MAPK10: variants seen among roughly 807,000 people sequenced by gnomAD.
MAPK10 encodes mitogen-activated protein kinase 10, also known as JNK3 alpha protein kinase.
A neutral mutation model predicts 59.3 loss-of-function variants in MAPK10; 25 were observed. The observed-to-expected ratio is 0.42, with a 90% CI of 0.31 to 0.59. MAPK10 has a LOEUF of 0.59. MAPK10 is among the 20% of genes least tolerant of loss of function. The probability of loss-of-function intolerance (pLI) is 0.15; values close to 1 mark genes in which losing one functional copy is unlikely to be tolerated. For synonymous variants in MAPK10, 190 were observed against 200.5 expected, an observed-to-expected ratio of 0.95 and a Z score of 0.44; for missense variants, 351 against 568.9, an observed-to-expected ratio of 0.62 and a Z score of 3.90.
intron 1 of MAPK10, among the ~76,000 whole-genome samples, chr4:86,366,661 A>C (rs1737949985): frequency 6.6e-6 from 1 of 152,120 alleles, no homozygotes; most frequent in Non-Finnish European, 1.5e-5. Flanking sequence ...ACTCTTAAAA[A>C]ACAGGTTTTC....
Position 86,171,355 on chromosome 4 carries a change from T to G in MAPK10, c.67-11888A>C, listed in dbSNP as rs1044510963. Among the ~76,000 whole-genome samples the G allele has an allele frequency of 2.6e-5, 4 of 151,850 alleles. No individual in the cohort carries two copies. In the East Asian group the frequency reaches 7.8e-4, roughly 29 times the overall value. On this transcript the variant is annotated intron_variant, in intron 3 of 13. Transcript: ENST00000641462. The stretch of plus-strand genomic sequence containing the variant: ...AGATTAATAAAGAAGAATCAAAACT[T>G]TTGGTACTGGTACCAAAACAGAGAT...
At chr4:86,209,042 T>C (rs569238763) in intron 2 of MAPK10, among the ~76,000 whole-genome samples, 8 of 152,226 alleles carry the variant, frequency 5.3e-5, no homozygotes, top group Non-Finnish European at 8.8e-5. Context: ...TGAAGGTATG[T>C]GAACTAAACA....
chr4:86,301,878 C>T (rs576285741), intron 2 of MAPK10, among the ~76,000 whole-genome samples: 6 of 152,294 alleles, frequency 3.9e-5, no homozygotes, highest in Non-Finnish European at 7.4e-5. Context: ...CAGTACTCCT[C>T]TTTTTTAAAT....
chr4:86,431,698 G>A (rs950457193), intron 1 of MAPK10, among the ~76,000 whole-genome samples: 1 of 152,168 alleles, frequency 6.6e-6, no homozygotes. Flanking sequence ...CTTCAAGGGA[G>A]GAGTAAAGGA....
At chr4:86,185,675 G>A (rs1198184110) in intron 3 of MAPK10, among the ~76,000 whole-genome samples, 2 of 152,124 alleles carry the variant, frequency 1.3e-5, no homozygotes, top group East Asian at 1.9e-4. Context: ...CTTTCAGGGT[G>A]GTAGTGGAGA....
At chr4:86,281,497 C>T (rs192894015) in intron 2 of MAPK10, among the ~76,000 whole-genome samples, 244 of 141,604 alleles carry the variant, frequency 1.7e-3, no homozygotes, top group African/African-American at 6.8e-3. Flanking sequence ...GCAAGACCCC[C>T]TCAAAATAAA....
chr4:86,406,422 T>G (rs1744373009), intron 1 of MAPK10, among the ~76,000 whole-genome samples: 1 of 152,166 alleles, frequency 6.6e-6, no homozygotes, highest in Non-Finnish European at 1.5e-5. Flanking sequence ...TGTTAAATAC[T>G]CTGTACAATA....
intron 2 of MAPK10, among the ~76,000 whole-genome samples, chr4:86,257,630 C>G (rs1025775513): frequency 1.3e-5 from 2 of 152,178 alleles, no homozygotes; most frequent in Non-Finnish European, 2.9e-5. Context: ...GCCTCACACT[C>G]TTTGTCCTCA....
intron 11 of MAPK10, among the ~76,000 whole-genome samples, chr4:86,035,370 C>CA (rs70948779): frequency 0.34 from 12,801 of 37,730 alleles, 3,436 homozygotes; most frequent in African/African-American, 0.45. Flanking sequence ...GACTCTGTCT[C>CA]AAAAAAAAAA....
At chr4:86,163,464 C>T (rs1253208717) in intron 3 of MAPK10, among the ~76,000 whole-genome samples, 1 of 152,052 alleles carries the variant, frequency 6.6e-6, no homozygotes, top group Non-Finnish European at 1.5e-5. Context: ...AATGACTTTT[C>T]TCTAGTTATA....
intron 2 of MAPK10, among the ~76,000 whole-genome samples, chr4:86,256,222 C>T (rs543363863): frequency 1.3e-5 from 2 of 152,254 alleles, no homozygotes; most frequent in East Asian, 3.9e-4. Context: ...CATACTTGGC[C>T]GAACTAGTGC....
At chr4:86,311,238 T>C (rs1443884159) in intron 2 of MAPK10, among the ~76,000 whole-genome samples, 3 of 152,044 alleles carry the variant, frequency 2.0e-5, no homozygotes, top group Non-Finnish European at 2.9e-5. Flanking sequence ...AAAGATAAAA[T>C]ACTAAGGAGG....
chr4:86,160,830 G>A (rs779116407), intron 3 of MAPK10, among the ~76,000 whole-genome samples: 33 of 151,886 alleles, frequency 2.2e-4, no homozygotes, highest in Non-Finnish European at 3.7e-4. Flanking sequence ...AAATCTCCTT[G>A]GGCTCTGAAC....
chr4:86,507,112 TATC>T (rs1755799482), intron 1 of MAPK10, among the ~76,000 whole-genome samples: 1 of 152,158 alleles, frequency 6.6e-6, no homozygotes, highest in East Asian at 1.9e-4. Context: ...TATAACAAAT[TATC>T]ATACTGAATA....
intron 1 of MAPK10, among the ~76,000 whole-genome samples, chr4:86,503,467 G>T (rs184278509): frequency 1.2e-4 from 18 of 152,098 alleles, no homozygotes; most frequent in Admixed American, 1.0e-3. Flanking sequence ...CACACTGATG[G>T]TATCACTTTC....
intron 1 of MAPK10, among the ~76,000 whole-genome samples, chr4:86,431,592 G>C (rs1748050858): frequency 1.3e-5 from 2 of 152,314 alleles, no homozygotes; most frequent in African/African-American, 4.8e-5. Context: ...AAATTAGAAA[G>C]AGGAGCTTTA....
At chr4:86,170,856 G>A (rs866033161) in intron 3 of MAPK10, among the ~76,000 whole-genome samples, 10,638 of 148,120 alleles carry the variant, frequency 0.072, 854 homozygotes, top group African/African-American at 0.2. Context: ...TAAAAGAACA[G>A]AAATTATAAC....
chr4:86,572,399 T>C (rs1327015643), intron 1 of MAPK10, among the ~76,000 whole-genome samples: 1 of 152,220 alleles, frequency 6.6e-6, no homozygotes, highest in Non-Finnish European at 1.5e-5. Flanking sequence ...TCAGTATTTA[T>C]GTTTACTCAG....
At chr4:86,152,671 C>A (rs1320374222) in intron 4 of MAPK10, 1 of 152,144 alleles carries the variant, frequency 6.6e-6, no homozygotes, top group African/African-American at 2.4e-5. Flanking sequence ...AGAAGCATGA[C>A]TTAGTAGAGA....
Sources: gnomAD v4.1 joint callset for allele counts (sites outside exome capture counted in the v4.1 genomes callset) on GRCh38, gnomAD v4.1.1 for gene constraint, MANE v1.5 for transcripts, NCBI Gene and HGNC (gene_info 2026-07-23, HGNC 2026-07-21) for gene names.